The following PPARG variants were observed in gnomAD, a reference collection of about 807,000 sequenced individuals.
PPARG encodes peroxisome proliferator activated receptor gamma, also known as peroxisome proliferator-activated receptor gamma.
Under a neutral mutation model 39.2 loss-of-function variants are expected in PPARG, and 17 were observed. The ratio of observed to expected loss-of-function variants is 0.43; its 90% CI spans 0.30 to 0.65. The LOEUF (loss-of-function observed/expected upper bound fraction) is 0.65. PPARG is among the 30% of genes least tolerant of loss of function. The probability of loss-of-function intolerance (pLI) is 0.13; values close to 1 mark genes in which losing one functional copy is unlikely to be tolerated. For synonymous variants in PPARG, 223 were observed against 215.7 expected (o/e 1.03, Z -0.30); for missense variants, 406 against 585.9 (o/e 0.69, Z 3.17).
At chr3:12,311,314 G>A (rs543190153) in intron 1 of PPARG, among the ~76,000 whole-genome samples, 1 of 152,160 alleles carries the variant, frequency 6.6e-6, no homozygotes, top group African/African-American at 2.4e-5. Context: ...GTGGTGCTCA[G>A]GCTGGTCTCC....
At chr3:12,417,877 CTTTTT>C (rs1248011965) in intron 7 of PPARG, among the ~76,000 whole-genome samples, 1 of 64,652 alleles carries the variant, frequency 1.5e-5, no homozygotes, top group African/African-American at 4.7e-5. Context: ...TGACTTTTTT[CTTTTT>C]TTTTTCTTTT....
chr3:12,321,148 C>T (rs1483407259), intron 2 of PPARG, among the ~76,000 whole-genome samples: 1 of 152,138 alleles, frequency 6.6e-6, no homozygotes, highest in African/African-American at 2.4e-5. Flanking sequence ...AGCAGTCACC[C>T]CTTTAAAATG....
intron 2 of PPARG, among the ~76,000 whole-genome samples, chr3:12,338,737 T>A (rs2048088634): frequency 6.6e-6 from 1 of 152,236 alleles, no homozygotes; most frequent in Non-Finnish European, 1.5e-5. Context: ...GAAACATTCC[T>A]TTCTACAGTA....
rs113112696 is a variant in PPARG at position 12,292,985 on chromosome 3, G to A, written c.-83+3851G>A. Among the ~76,000 whole-genome samples, 692 of 152,360 alleles carry A rather than the reference G, an allele frequency of 4.5e-3. 3 individuals are homozygous for A. Among genetic ancestry groups the A allele is most frequent in the South Asian group, 9.7e-3 (47 of 4,828 alleles). On this transcript the variant is annotated intron_variant, in intron 1 of 7. Transcript: ENST00000651735. ...GGCAAAGAAAGGCTCATGCTGGTGC[G>A]TGTAGGTGGGCTGAGTGTCCCTGTC...
At chr3:12,407,322 A>G (rs1167942332) in intron 6 of PPARG, among the ~76,000 whole-genome samples, 1 of 152,046 alleles carries the variant, frequency 6.6e-6, no homozygotes, top group Non-Finnish European at 1.5e-5. Flanking sequence ...CACCATGCCC[A>G]GCTAATTTTT....
chr3:12,388,165 A>G (rs150975064), intron 4 of PPARG, among the ~76,000 whole-genome samples: 201 of 152,296 alleles, frequency 1.3e-3, no homozygotes, highest in Middle Eastern at 0.01. Context: ...TCATCTGTGA[A>G]AAAAAAACTT....
chr3:12,302,834 A>G (rs559081811), intron 1 of PPARG, among the ~76,000 whole-genome samples: 80 of 152,304 alleles, frequency 5.3e-4, no homozygotes, highest in African/African-American at 1.9e-3. Flanking sequence ...TGGCAGTAGC[A>G]TGCAGGGAAA....
At position 12,406,026 on chromosome 3, in the gene PPARG, C is replaced by T. The variant is rs1010744856; in HGVS notation, c.674C>T (p.Pro225Leu). 10 of 1,614,036 alleles carry T rather than the reference C, an allele frequency of 6.2e-6. No individual in the cohort carries two copies. Among genetic ancestry groups the T allele is most frequent in the Non-Finnish European group, 8.5e-6 (10 of 1,180,034 alleles). ...HLYDSYIKSF[P>L]LTKAKARAIL... ...TATGACTCATACATAAAGTCCTTCC[C>T]GCTGACCAAAGCAAAGGCGAGGGCG... The change falls in exon 6 of 8, where the codon CCG becomes CTG. Residue 225 changes from proline (P) to leucine (L), a missense_variant. By Grantham distance (98) the Pro-to-Leu change is moderately conservative. Transcript: ENST00000651735.
At chr3:12,362,332 G>A (rs2972167) in intron 2 of PPARG, among the ~76,000 whole-genome samples, 103,154 of 151,724 alleles carry the variant, frequency 0.68, 35,570 homozygotes, top group African/African-American at 0.79. Flanking sequence ...AGCCTGGCCA[G>A]CATAGTGAAA....
chr3:12,328,316 T>A, intron 2 of PPARG: 1 of 987,060 alleles, frequency 1.0e-6, no homozygotes, highest in Non-Finnish European at 1.6e-6. Context: ...GCCCCTCTCA[T>A]TCCTGGTGGG....
intron 2 of PPARG, among the ~76,000 whole-genome samples, chr3:12,347,386 T>C (rs1186674178): frequency 2.6e-5 from 4 of 151,666 alleles, no homozygotes; most frequent in South Asian, 4.2e-4. Flanking sequence ...CCTTCCTTTG[T>C]CTGCTTTTAT....
intron 2 of PPARG, among the ~76,000 whole-genome samples, chr3:12,367,811 G>T (rs2049066074): frequency 6.6e-6 from 1 of 151,964 alleles, no homozygotes; most frequent in Non-Finnish European, 1.5e-5. Flanking sequence ...GGAGGTCGAG[G>T]CTTCAGTGAA....
At chr3:12,338,354 CTTTA>C (rs1253223251) in intron 2 of PPARG, among the ~76,000 whole-genome samples, 11 of 152,058 alleles carry the variant, frequency 7.2e-5, no homozygotes, top group African/African-American at 1.9e-4. Context: ...CCTCTTTTGT[CTTTA>C]TTTATATTAT....
At position 12,384,937 on chromosome 3, in the gene PPARG, A is replaced by G. The variant is rs561016797; in HGVS notation, c.390+3446A>G. Among the ~76,000 whole-genome samples the G allele has an allele frequency of 8.5e-5, 13 of 152,284 alleles. No homozygotes were observed. The East Asian group carries it at 2.1e-3, about 25-fold the overall frequency. The stretch of plus-strand genomic sequence containing the variant: ...TGGGGTCTTCTATAATTTTAAAAAG[A>G]GTAAAGGGATCTTGCAACCATAAAG... On this transcript the variant is annotated intron_variant, in intron 4 of 7. Coordinates refer to ENST00000651735, the MANE Select transcript of PPARG (RefSeq NM_138711.6).
intron 7 of PPARG, among the ~76,000 whole-genome samples, chr3:12,431,783 T>A (rs889358994): frequency 2.2e-4 from 33 of 151,888 alleles, no homozygotes; most frequent in East Asian, 1.9e-4. Flanking sequence ...CTACAAAAAA[T>A]TTCGAAATTA....
At chr3:12,313,404 A>C (rs1479838433) in intron 2 of PPARG, among the ~76,000 whole-genome samples, 4 of 152,136 alleles carry the variant, frequency 2.6e-5, no homozygotes, top group African/African-American at 9.7e-5. Context: ...TGAAAATCTG[A>C]ACTTCAAAAT....
At chr3:12,364,228 A>G (rs185814955) in intron 2 of PPARG, among the ~76,000 whole-genome samples, 29 of 152,268 alleles carry the variant, frequency 1.9e-4, no homozygotes, top group African/African-American at 5.8e-4. Flanking sequence ...TTCTCCCCCA[A>G]ACTTCTGACT....
At chr3:12,333,412 T>C (rs2047916215) in intron 2 of PPARG, among the ~76,000 whole-genome samples, 1 of 152,176 alleles carries the variant, frequency 6.6e-6, no homozygotes. Flanking sequence ...CATCATTCTT[T>C]CTCTTTCCAT....
intron 1 of PPARG, among the ~76,000 whole-genome samples, chr3:12,295,361 C>A (rs2046752494): frequency 6.6e-6 from 1 of 151,912 alleles, no homozygotes; most frequent in African/African-American, 2.4e-5. Flanking sequence ...CAAGTATAAT[C>A]CAGAAGAGTG....
Sources: gnomAD v4.1 joint callset for allele counts (sites outside exome capture counted in the v4.1 genomes callset) on GRCh38, gnomAD v4.1.1 for gene constraint, MANE v1.5 for transcripts, NCBI Gene and HGNC (gene_info 2026-07-23, HGNC 2026-07-21) for gene names.